VAX1: variants seen among roughly 807,000 people sequenced by gnomAD.
VAX1 encodes ventral anterior homeobox 1.
Under a neutral mutation model 17.6 loss-of-function variants are expected in VAX1, and 6 were observed. The observed-to-expected ratio is 0.34, with a 90% CI of 0.19 to 0.67. VAX1 has a LOEUF of 0.67. VAX1 is among the 30% of genes least tolerant of loss of function. The pLI is 0.69. For synonymous variants in VAX1, 256 were observed against 227.4 expected (o/e 1.13, Z -1.13); for missense variants, 408 against 463.7 (o/e 0.88, Z 1.10).
Position 117,133,625 on chromosome 10 carries a change from A to AGCG in VAX1, c.*380_*382dup. The stretch of plus-strand genomic sequence containing the variant: ...TCAAATATTCCTAGGAATAGTCGGC[A>AGCG]GCGGCAGCAGCCGCAGCAGCCGCGG... On this transcript the variant is annotated 3_prime_UTR_variant, in exon 3 of 3. Coordinates refer to ENST00000369206, the MANE Select transcript of VAX1 (RefSeq NM_001112704.2). 1.0e-6 allele frequency: 1 copy of AGCG among 994,652 alleles called. No individual in the cohort carries two copies. Among genetic ancestry groups the AGCG allele is most frequent in the Non-Finnish European group, 1.2e-6 (1 of 836,390 alleles). 61.6% of individuals were successfully genotyped at this position (994,652 alleles called of 1,614,324 possible).
chr10:117,134,275 A>C lies in VAX1; in HGVS notation c.738T>G (p.Ala246=). The change falls in exon 3 of 3, where the codon GCT becomes GCG. Residue 246 remains alanine, a synonymous_variant. Transcript: ENST00000369206. This position sits in a 1 kb window ranked among gnomAD's most constrained non-coding sequence, Gnocchi z 6.2. ...GCCCGGGACCTGGAGCACCGCCCAC[A>C]GCCGGCGGGTGCGGGGATGCAGCGC... ...PAGAASPHPP[A]VGGAPGPGPA... is the part of the protein sequence containing the mutation. 1 of 1,264,272 alleles carries C rather than the reference A, an allele frequency of 7.9e-7. No homozygotes were observed. Among genetic ancestry groups the C allele is most frequent in the East Asian group, 3.2e-5 (1 of 30,948 alleles). 78.3% of individuals were successfully genotyped at this position (1,264,272 alleles called of 1,614,324 possible).
downstream of VAX1, chr10:117,132,217 G>T: frequency 6.2e-7 from 1 of 1,613,784 alleles, no homozygotes; most frequent in Non-Finnish European, 8.5e-7. The surrounding 1 kb of genome is among the most constrained non-coding windows in gnomAD (Gnocchi z 4.9). Context: ...CACTATAGGG[G>T]CTGCCACCCT....
In VAX1 at chr10:117,134,714, A is replaced by T. The variant is rs1854149036; in HGVS notation, c.430-131T>A. ...AGCCCTATCCGCAGCCCCACCCAGC[A>T]GCCGGAGGGGTCCGGGCCGGGGCGC... On this transcript the variant is annotated intron_variant, in intron 2 of 2. Transcript: ENST00000369206. This position sits in a 1 kb window ranked among gnomAD's most constrained non-coding sequence, Gnocchi z 6.2. 8 of 943,310 alleles carry T rather than the reference A, an allele frequency of 8.5e-6. No individual in the cohort carries two copies. In the South Asian group the frequency reaches 1.7e-4, roughly 20 times the overall value. 58.4% of individuals were successfully genotyped at this position (943,310 alleles called of 1,614,324 possible). A position where few individuals can be genotyped will look rare whatever the true frequency, so the allele number is the denominator to read the frequency against.
Position 117,136,338 on chromosome 10 carries a change from C to G in VAX1, c.429+134G>C, listed in dbSNP as rs922612759. The G allele has an allele frequency of 4.7e-6, 5 of 1,057,780 alleles. No homozygotes were observed. Among genetic ancestry groups the G allele is most frequent in the African/African-American group, 1.6e-5 (1 of 62,326 alleles). 65.5% of individuals were successfully genotyped at this position (1,057,780 alleles called of 1,614,324 possible). On this transcript the variant is annotated intron_variant, in intron 2 of 2. Transcript: ENST00000369206. The surrounding 1 kb of genome is among the most constrained non-coding windows in gnomAD (Gnocchi z 5.0). ...GGAAGGAATCCTTAGGCCTGTCTTA[C>G]CCATCCTTCCCATCTCCTCCACCTC...
At chr10:117,129,191 T>G (rs1420856045), downstream of VAX1, 2 of 152,218 alleles carry the variant, frequency 1.3e-5, no homozygotes, top group Non-Finnish European at 2.9e-5. Flanking sequence ...AGTTTGCCAT[T>G]TAATACAGTA....
At position 117,134,374 on chromosome 10, in the gene VAX1, G is replaced by A. The variant is rs1050355863; in HGVS notation, c.639C>T (p.Ser213=). The change falls in exon 3 of 3, where the codon AGC becomes AGT. Residue 213 remains serine (S), a synonymous_variant. Coordinates refer to ENST00000369206, the MANE Select transcript of VAX1 (RefSeq NM_001112704.2). The surrounding 1 kb of genome is among the most constrained non-coding windows in gnomAD (Gnocchi z 6.2). The part of the protein sequence containing the change: ...GALGSALRGP[S]LPALGAGAAA... Reference sequence around the variant, plus strand: ...CGGCGCCCGCGCCCAGGGCCGGCAAGCTGGGCCCGCGCAGCGCTGAGCCGA... The same window carrying A: ...CGGCGCCCGCGCCCAGGGCCGGCAAACTGGGCCCGCGCAGCGCTGAGCCGA... 11 of 1,242,810 alleles carry A rather than the reference G, an allele frequency of 8.9e-6. No homozygotes were observed. Among genetic ancestry groups the A allele is most frequent in the African/African-American group, 6.3e-5 (4 of 63,132 alleles). The allele number at this position is 1,242,810 out of a possible 1,614,324, so 77.0% of individuals were successfully genotyped here. A position where few individuals can be genotyped will look rare whatever the true frequency, so the allele number is the denominator to read the frequency against.
Position 117,136,320 on chromosome 10 carries a change from A to T in VAX1, c.429+152T>A. ...AAGGATGTATTATCTAGGGGAAGGA[A>T]TCCTTAGGCCTGTCTTACCCATCCT... On this transcript the variant is annotated intron_variant, in intron 2 of 2. Transcript: ENST00000369206. The surrounding 1 kb of genome is among the most constrained non-coding windows in gnomAD (Gnocchi z 5.0). 4.7e-6 allele frequency: 4 copies of T among 858,440 alleles called. No homozygotes were observed. Among genetic ancestry groups the T allele is most frequent in the Non-Finnish European group, 6.9e-6 (4 of 577,968 alleles). The allele number at this position is 858,440 out of a possible 1,614,324, so 53.2% of individuals were successfully genotyped here.
rs555828334 is a variant in VAX1, at chr10:117,138,129, G to GAA, written c.-75_-74dup. 16 of 498,154 alleles carry GAA rather than the reference G, an allele frequency of 3.2e-5. No individual in the cohort carries two copies. The highest frequency in any genetic ancestry group is 1.4e-4 in the African/African-American group (6 of 42,190). The allele number at this position is 498,154 out of a possible 1,614,324, so 30.9% of individuals were successfully genotyped here. A position where few individuals can be genotyped will look rare whatever the true frequency, so the allele number is the denominator to read the frequency against. On this transcript the variant is annotated 5_prime_UTR_variant, in exon 1 of 3. Transcript: ENST00000369206. ...AAAAAAAGGGGGGGGGGCGGAGAAG[G>GAA]AAAAAAAAAAGAGGAAAAAGGGGAC...
downstream of VAX1, chr10:117,130,728 T>A (rs1394384446): frequency 6.6e-6 from 1 of 152,192 alleles, no homozygotes; most frequent in Non-Finnish European, 1.5e-5. Context: ...AAATTAAAAT[T>A]GCAATTCTTT....
chr10:117,137,054 C>G lies in VAX1; in HGVS notation c.242-395G>C, dbSNP rs1489147863. Among the ~76,000 whole-genome samples, 1 of 152,088 alleles carries G rather than the reference C, an allele frequency of 6.6e-6. No homozygotes were observed. Among genetic ancestry groups the G allele is most frequent in the African/African-American group, 2.4e-5 (1 of 41,426 alleles). On this transcript the variant is annotated intron_variant, in intron 1 of 2. Transcript: ENST00000369206. The surrounding 1 kb of genome is among the most constrained non-coding windows in gnomAD (Gnocchi z 7.4). ...CCAGCTCTGGGCTTGCCGACCAGACCGTGATCCAGACGTCCCCACCCCCAC... is the reference window on the plus strand; with the variant it reads ...CCAGCTCTGGGCTTGCCGACCAGACGGTGATCCAGACGTCCCCACCCCCAC...
Position 117,136,642 on chromosome 10 carries a change from G to T in VAX1, c.259C>A (p.Arg87=). Residue 87 remains arginine (R), a synonymous_variant, in exon 2 of 3, where the codon CGA becomes AGA. Transcript: ENST00000369206. The surrounding 1 kb of genome is among the most constrained non-coding windows in gnomAD (Gnocchi z 5.0). ...ILVRDAKGSI[R]EIILPKGLDL... Reference sequence around the variant, plus strand: ...AGGCCCTTGGGCAGGATGATCTCTCGGATGGACCCCTTGGCATCTGGGGAA... The same window carrying T: ...AGGCCCTTGGGCAGGATGATCTCTCTGATGGACCCCTTGGCATCTGGGGAA... 6.2e-7 allele frequency: 1 copy of T among 1,605,582 alleles called. No homozygotes were observed. Among genetic ancestry groups the T allele is most frequent in the Non-Finnish European group, 8.5e-7 (1 of 1,173,454 alleles).
intron 2 of VAX1, among the ~76,000 whole-genome samples, chr10:117,135,675 T>C (rs1424941695): frequency 3.9e-5 from 6 of 152,258 alleles, no homozygotes; most frequent in Non-Finnish European, 8.8e-5. Context: ...CTGCCGTAGC[T>C]AGGCCAAGCT....
rs753296349 is a variant in VAX1 at position 117,133,487 on chromosome 10, G to A, written c.*521C>T. On this transcript the variant is annotated 3_prime_UTR_variant, in exon 3 of 3. Coordinates refer to ENST00000369206, the MANE Select transcript of VAX1 (RefSeq NM_001112704.2). ...ACTATCCCGAGAGGTCCGCAAAGCG[G>A]GGCCCAGGGGCTCCCACAAGCCCTG... is the stretch of plus-strand genomic sequence containing the variant. 8.5e-5 allele frequency: 84 copies of A among 985,482 alleles called. No homozygotes were observed. The highest frequency in any genetic ancestry group is 9.8e-5 in the Non-Finnish European group (81 of 830,068). 61.0% of individuals were successfully genotyped at this position (985,482 alleles called of 1,614,324 possible). A position where few individuals can be genotyped will look rare whatever the true frequency, so the allele number is the denominator to read the frequency against.
downstream of VAX1, chr10:117,133,288 TC>T (rs1854115552): frequency 2.0e-6 from 2 of 985,428 alleles, no homozygotes; most frequent in African/African-American, 1.7e-5. Flanking sequence ...TTCCACTTCA[TC>T]TGGTTTTACG....
At position 117,137,895 on chromosome 10, in the gene VAX1, C is replaced by A. The variant is rs556425313; in HGVS notation, c.162G>T (p.Ser54=). The A allele has an allele frequency of 5.0e-6, 8 of 1,613,826 alleles. No individual in the cohort carries two copies. The highest frequency in any genetic ancestry group is 5.9e-6 in the Non-Finnish European group (7 of 1,179,986). ...TTTTGTTACAATCCTCAGCAGCGCC[C>A]GACGCTGAGAAGGCGCCCTGCGGCT... ...LKEPQGAFSA[S]GAAEDCNKSK... is the part of the protein sequence containing the mutation. Residue 54 remains serine (S), a synonymous_variant, in exon 1 of 3, where the codon TCG becomes TCT. Coordinates refer to ENST00000369206, the MANE Select transcript of VAX1 (RefSeq NM_001112704.2). The surrounding 1 kb of genome is among the most constrained non-coding windows in gnomAD (Gnocchi z 7.4).
In VAX1 at chr10:117,137,995, A is replaced by G; in HGVS notation, c.62T>C (p.Val21Ala). ...ACTCTCCTTGTGCGCGTTCTTCGAG[A>G]CCCGGGCAGCCTCGGCGTCCGAGTG... is the stretch of plus-strand genomic sequence containing the variant. Reference protein sequence around the residue: ...RCHSDAEAARVSKNAHKESRE... With the variant: ...RCHSDAEAARASKNAHKESRE... Residue 21 changes from valine to alanine, a missense_variant, in exon 1 of 3, where the codon GTC (valine) becomes GCC (alanine). Physicochemically the swap from Val to Ala is moderately conservative, Grantham distance 64 (BLOSUM62 0). Coordinates refer to ENST00000369206, the MANE Select transcript of VAX1 (RefSeq NM_001112704.2). The surrounding 1 kb of genome is among the most constrained non-coding windows in gnomAD (Gnocchi z 7.4). 6.2e-7 allele frequency: 1 copy of G among 1,611,844 alleles called. No homozygotes were observed. Among genetic ancestry groups the G allele is most frequent in the Middle Eastern group, 1.7e-4 (1 of 6,054 alleles).
Position 117,136,784 on chromosome 10 carries a change from A to G in VAX1, c.242-125T>C, listed in dbSNP as rs2133662864. On this transcript the variant is annotated intron_variant, in intron 1 of 2. Coordinates refer to ENST00000369206, the MANE Select transcript of VAX1 (RefSeq NM_001112704.2). This position sits in a 1 kb window ranked among gnomAD's most constrained non-coding sequence, Gnocchi z 5.0. ...TTTGGGGATGGGGGGCGGGGTGCGGAGCGCGACCACAACCAGGTAGCAAAG... is the reference window on the plus strand; with the variant it reads ...TTTGGGGATGGGGGGCGGGGTGCGGGGCGCGACCACAACCAGGTAGCAAAG... 1.7e-6 allele frequency: 2 copies of G among 1,171,816 alleles called. No individual in the cohort carries two copies. Among genetic ancestry groups the G allele is most frequent in the Middle Eastern group, 2.1e-4 (1 of 4,802 alleles). The allele number at this position is 1,171,816 out of a possible 1,614,324, so 72.6% of individuals were successfully genotyped here.
downstream of VAX1, chr10:117,132,299 T>C: frequency 6.2e-7 from 1 of 1,614,176 alleles, no homozygotes; most frequent in Non-Finnish European, 8.5e-7. This position sits in a 1 kb window ranked among gnomAD's most constrained non-coding sequence, Gnocchi z 4.9. Flanking sequence ...TTTGTTTTTT[T>C]ATCCTTCAAA....
At chr10:117,135,669 C>A (rs917671048) in intron 2 of VAX1, among the ~76,000 whole-genome samples, 1 of 152,240 alleles carries the variant, frequency 6.6e-6, no homozygotes, top group African/African-American at 2.4e-5. Flanking sequence ...AGAAGGCTGC[C>A]GTAGCTAGGC....
Sources: gnomAD v4.1 joint callset for allele counts (sites outside exome capture counted in the v4.1 genomes callset) on GRCh38, gnomAD v4.1.1 for gene constraint, Gnocchi (gnomAD v3.1) non-coding constraint, MANE v1.5 for transcripts, NCBI Gene and HGNC (gene_info 2026-07-23, HGNC 2026-07-21) for gene names.